Variants in CLTCL1 observed in about 807,000 individuals in gnomAD.
CLTCL1 encodes clathrin heavy chain 2.
CLTCL1 carries 159 observed loss-of-function variants against 190.0 expected under a neutral mutation model. The ratio of observed to expected loss-of-function variants is 0.84; its 90% CI spans 0.74 to 0.95. The LOEUF (loss-of-function observed/expected upper bound fraction) is 0.95, where lower values mean the gene tolerates loss of function less well. CLTCL1 is among the 40% of genes least tolerant of loss of function. The pLI is 0.00. For missense variants in CLTCL1, 1,878 were observed against 2,033.4 expected, an observed-to-expected ratio of 0.92 and a Z score of 1.47; for synonymous variants, 752 against 769.6, an observed-to-expected ratio of 0.98 and a Z score of 0.38.
chr22:19,280,012 A>G (rs782639060), intron 1 of CLTCL1, among the ~76,000 whole-genome samples: 48 of 152,216 alleles, frequency 3.2e-4, no homozygotes, highest in Non-Finnish European at 6.2e-4. Flanking sequence ...TATTCTGAAT[A>G]ATGACTCTAA....
chr22:19,250,563 A>AAT (rs1555969625), intron 3 of CLTCL1, among the ~76,000 whole-genome samples: 4 of 142,352 alleles, frequency 2.8e-5, no homozygotes, highest in African/African-American at 1.0e-4. Context: ...AACTTTTTTA[A>AAT]TTTTTTTTTA....
intron 3 of CLTCL1, among the ~76,000 whole-genome samples, chr22:19,244,304 C>A (rs1014601927): frequency 2.0e-5 from 3 of 152,106 alleles, no homozygotes; most frequent in Admixed American, 2.0e-4. Flanking sequence ...CATGGATGAA[C>A]CTTGAAAACA....
intron 18 of CLTCL1, among the ~76,000 whole-genome samples, chr22:19,218,635 C>T (rs1381196073): frequency 4.6e-5 from 7 of 152,146 alleles, no homozygotes; most frequent in East Asian, 1.9e-4. Flanking sequence ...ACTTGTTGGA[C>T]GAGGGTTTTG....
intron 26 of CLTCL1, among the ~76,000 whole-genome samples, chr22:19,193,478 C>T (rs559826090): frequency 3.0e-4 from 45 of 152,162 alleles, no homozygotes; most frequent in Admixed American, 1.6e-3. Flanking sequence ...ACTAGCCACG[C>T]GCCAGGACAT....
intron 31 of CLTCL1, 76 bp from the exon 32 acceptor site, chr22:19,180,314 C>T (rs2084088572): frequency 2.1e-6 from 3 of 1,433,428 alleles, no homozygotes; most frequent in South Asian, 1.2e-5. Flanking sequence ...GCGTGCTGCA[C>T]ACTCACACCA....
At chr22:19,262,622 ACT>A (rs2086987133) in intron 2 of CLTCL1, among the ~76,000 whole-genome samples, 1 of 84,638 alleles carries the variant, frequency 1.2e-5, no homozygotes, top group Non-Finnish European at 2.3e-5. Flanking sequence ...ACAGGGTAAG[ACT>A]CTGTCTCAAA....
intron 2 of CLTCL1, among the ~76,000 whole-genome samples, chr22:19,260,945 GTTCCTTTCAAAAGATTACTGCTC>G (rs2086927096): frequency 6.6e-6 from 1 of 150,916 alleles, no homozygotes; most frequent in Admixed American, 6.6e-5. Flanking sequence ...AAAAAAAAAG[GTTCCTTTCAAAAGATTACTGCTC>G]TTTGACAATG....
chr22:19,209,211 C>A, intron 20 of CLTCL1, 97 bp from the exon 21 acceptor site: 1 of 1,106,482 alleles, frequency 9.0e-7, no homozygotes, highest in Non-Finnish European at 1.3e-6. Flanking sequence ...CCTAAAGCTG[C>A]ATGACCATTT....
At chr22:19,200,858 C>CA (rs2084860645) in intron 23 of CLTCL1, among the ~76,000 whole-genome samples, 1 of 152,026 alleles carries the variant, frequency 6.6e-6, no homozygotes, top group Admixed American at 6.6e-5. Context: ...AAAAACAAAA[C>CA]AAACAAACAA....
rs539428971 is a variant in CLTCL1, at chr22:19,249,130, G to A, written c.519+4829C>T. On this transcript the variant is annotated intron_variant, in intron 3 of 32. Transcript: ENST00000427926. ...TCCCAGCACTCTGGGAGGCCGAAGC[G>A]GGCGGATTACTTGAGGTCAGGAGTT... is the stretch of plus-strand genomic sequence containing the variant. Among the ~76,000 whole-genome samples, 10 of 152,214 alleles carry A rather than the reference G, an allele frequency of 6.6e-5. No homozygotes were observed. The South Asian group carries it at 1.9e-3, about 28-fold the overall frequency.
At chr22:19,192,035 C>A (rs1173757961) in intron 26 of CLTCL1, among the ~76,000 whole-genome samples, 1 of 151,952 alleles carries the variant, frequency 6.6e-6, no homozygotes, top group Non-Finnish European at 1.5e-5. Context: ...CACTGGTCTG[C>A]CACCATTCTC....
chr22:19,208,898 C>G (rs1555944621), intron 21 of CLTCL1, 24 bp downstream of exon 21: 1 of 1,576,898 alleles, frequency 6.3e-7, no homozygotes, highest in African/African-American at 1.3e-5. Context: ...GATGCAGAGC[C>G]CTAGGGAGAG....
intron 26 of CLTCL1, among the ~76,000 whole-genome samples, chr22:19,193,944 A>G (rs1295630042): frequency 6.6e-6 from 1 of 152,234 alleles, no homozygotes; most frequent in Non-Finnish European, 1.5e-5. Flanking sequence ...AAGCTCCCAC[A>G]ACATGGAAAA....
intron 3 of CLTCL1, among the ~76,000 whole-genome samples, chr22:19,249,338 G>A (rs1022528448): frequency 6.7e-6 from 1 of 149,646 alleles, no homozygotes; most frequent in Admixed American, 6.6e-5. Flanking sequence ...CAGCCTCAGC[G>A]ACAGAGCAAG....
intron 6 of CLTCL1, among the ~76,000 whole-genome samples, chr22:19,235,145 T>C (rs1157395786): frequency 1.3e-5 from 2 of 151,892 alleles, no homozygotes; most frequent in African/African-American, 4.8e-5. Flanking sequence ...GCTGGGATTA[T>C]AGGAATCAGC....
At chr22:19,202,515 T>TC (rs373743219) in intron 22 of CLTCL1, among the ~76,000 whole-genome samples, 369 of 1,130 alleles carry the variant, frequency 0.33, 47 homozygotes, top group African/African-American at 0.51. Flanking sequence ...CCTTCCGCCA[T>TC]CACGGCACCT....
intron 32 of CLTCL1, 29 bp from the exon 33 acceptor site, chr22:19,179,998 G>A (rs2084074394): frequency 5.0e-6 from 3 of 596,430 alleles, no homozygotes; most frequent in African/African-American, 1.9e-5. Context: ...ACAATGAGCA[G>A]AGCTCTTCCT....
At position 19,198,902 on chromosome 22, in the gene CLTCL1, T is replaced by G. The variant is rs2084792223; in HGVS notation, c.3873+832A>C. 6.6e-6 allele frequency among the ~76,000 whole-genome samples: 1 copy of G among 152,220 alleles called. No homozygotes were observed. Among genetic ancestry groups the G allele is most frequent in the Non-Finnish European group, 1.5e-5 (1 of 68,042 alleles). The stretch of plus-strand genomic sequence containing the variant: ...AGATTTGCTGACTAAATTGTTCTTT[T>G]GTCAGCCCTGTACTGCTTGATCACC... On this transcript the variant is annotated intron_variant, in intron 24 of 32. Transcript: ENST00000427926. The surrounding 1 kb of genome is among the most constrained non-coding windows in gnomAD (Gnocchi z 4.1).
intron 20 of CLTCL1, 27 bp downstream of exon 20, chr22:19,210,299 C>A: frequency 1.2e-6 from 2 of 1,605,814 alleles, no homozygotes; most frequent in South Asian, 1.1e-5. Context: ...GGTGCTAGGT[C>A]CGACATGCTT....
Sources: gnomAD v4.1 joint callset for allele counts (sites outside exome capture counted in the v4.1 genomes callset) on GRCh38, gnomAD v4.1.1 for gene constraint, Gnocchi (gnomAD v3.1) non-coding constraint, MANE v1.5 for transcripts, NCBI Gene and HGNC (gene_info 2026-07-23, HGNC 2026-07-21) for gene names.